The following DYNC2H1 variants were observed in gnomAD, a reference collection of about 807,000 sequenced individuals.
DYNC2H1 encodes dynein cytoplasmic 2 heavy chain 1.
A neutral mutation model predicts 570.0 loss-of-function variants in DYNC2H1; 410 were observed. That is an observed-to-expected ratio of 0.72 (90% CI 0.66 to 0.78). The LOEUF is 0.78. DYNC2H1 is among the 30% of genes least tolerant of loss of function. The pLI, the probability that DYNC2H1 is intolerant of heterozygous loss-of-function variation, is 0.00. For synonymous variants in DYNC2H1, 1,688 were observed against 1,677.6 expected (o/e 1.01, Z -0.15); for missense variants, 4,865 against 5,046.4 (o/e 0.96, Z 1.09).
chr11:103,410,831 T>G (rs11225778), intron 84 of DYNC2H1, among the ~76,000 whole-genome samples: 8,086 of 152,178 alleles, frequency 0.053, 266 homozygotes, highest in Non-Finnish European at 0.077. Context: ...CCACAGTGGC[T>G]GGCACGAAAT....
chr11:103,131,712 A>G (rs745546257), intron 13 of DYNC2H1, among the ~76,000 whole-genome samples: 7 of 151,956 alleles, frequency 4.6e-5, no homozygotes, highest in Non-Finnish European at 1.0e-4. Context: ...TATGAAATGC[A>G]TATTTGACAT....
intron 82 of DYNC2H1, among the ~76,000 whole-genome samples, chr11:103,331,656 GA>G (rs1426271295): frequency 6.6e-6 from 1 of 152,130 alleles, no homozygotes; most frequent in Non-Finnish European, 1.5e-5. Context: ...GAAAATGCAA[GA>G]AAAGGTACCA....
chr11:103,320,608 T>C (rs957016713), intron 80 of DYNC2H1, among the ~76,000 whole-genome samples: 8 of 152,346 alleles, frequency 5.3e-5, no homozygotes, highest in African/African-American at 1.9e-4. Flanking sequence ...AATTATGTTT[T>C]GGATAGGTTC....
intron 82 of DYNC2H1, among the ~76,000 whole-genome samples, chr11:103,354,326 G>C (rs887256482): frequency 4.0e-5 from 6 of 148,622 alleles, no homozygotes; most frequent in Non-Finnish European, 6.0e-5. Flanking sequence ...GTTTTTTTCT[G>C]TTTTGGAAAA....
intron 47 of DYNC2H1, among the ~76,000 whole-genome samples, chr11:103,193,637 G>A (rs1309369600): frequency 2.6e-5 from 4 of 151,620 alleles, no homozygotes; most frequent in African/African-American, 7.3e-5. Flanking sequence ...TCCGCCTCCC[G>A]GGTTTAACTG....
At chr11:103,322,756 A>C (rs1247579177) in intron 81 of DYNC2H1, among the ~76,000 whole-genome samples, 1 of 152,236 alleles carries the variant, frequency 6.6e-6, no homozygotes, top group Admixed American at 6.5e-5. Context: ...TTAAATTTAT[A>C]GGATGACTTA....
intron 75 of DYNC2H1, among the ~76,000 whole-genome samples, chr11:103,300,990 A>G (rs904555377): frequency 2.0e-5 from 3 of 151,924 alleles, no homozygotes; most frequent in Non-Finnish European, 4.4e-5. Context: ...CAGAAAATGC[A>G]TAGACATGAA....
intron 30 of DYNC2H1, among the ~76,000 whole-genome samples, chr11:103,165,482 T>C (rs181820417): frequency 2.6e-5 from 4 of 152,196 alleles, no homozygotes; most frequent in Admixed American, 2.6e-4. Flanking sequence ...TAGACTTCAG[T>C]ACTATACTAA....
intron 82 of DYNC2H1, among the ~76,000 whole-genome samples, chr11:103,340,640 A>G (rs1939397728): frequency 1.3e-5 from 2 of 152,236 alleles, no homozygotes; most frequent in Non-Finnish European, 2.9e-5. Context: ...AAGACTAAGT[A>G]GAATTTGTGT....
chr11:103,244,542 T>C lies in DYNC2H1; in HGVS notation c.9919-709T>C, dbSNP rs1864535731. On this transcript the variant is annotated intron_variant, in intron 64 of 88. Coordinates refer to ENST00000375735, the MANE Select transcript of DYNC2H1 (RefSeq NM_001377.3). This position sits in a 1 kb window ranked among gnomAD's most constrained non-coding sequence, Gnocchi z 4.3. ...AATAATCATTTATGGCTTGCATATA[T>C]GCAAATCATTTATGGTTTGCAATAT... 6.7e-6 allele frequency among the ~76,000 whole-genome samples: 1 copy of C among 149,340 alleles called. No individual in the cohort carries two copies. Among genetic ancestry groups the C allele is most frequent in the African/African-American group, 2.4e-5 (1 of 41,064 alleles).
intron 83 of DYNC2H1, among the ~76,000 whole-genome samples, chr11:103,380,305 C>A (rs980859915): frequency 3.5e-4 from 54 of 152,118 alleles, no homozygotes; most frequent in African/African-American, 1.3e-3. Context: ...ACGTAATAAC[C>A]ACTTCCCTCT....
intron 17 of DYNC2H1, 75 bp downstream of exon 17, chr11:103,136,023 C>T: frequency 8.2e-7 from 1 of 1,226,198 alleles, no homozygotes; most frequent in Non-Finnish European, 1.1e-6. Flanking sequence ...TAAATGTATA[C>T]ATTAATAGTT....
intron 85 of DYNC2H1, among the ~76,000 whole-genome samples, chr11:103,450,407 G>A (rs1944559090): frequency 6.6e-6 from 1 of 152,144 alleles, no homozygotes; most frequent in Non-Finnish European, 1.5e-5. Context: ...GTGCGCACAG[G>A]GTGTTTACAG....
intron 82 of DYNC2H1, among the ~76,000 whole-genome samples, chr11:103,337,006 C>T (rs11225723): frequency 0.22 from 32,999 of 152,124 alleles, 3,722 homozygotes; most frequent in Admixed American, 0.31. Context: ...ATGGCCATGA[C>T]GCCCACGCTG....
rs537440301 is a variant in DYNC2H1 at position 103,257,873 on chromosome 11, A to G, written c.10605+122A>G. 5.5e-5 allele frequency: 58 copies of G among 1,054,306 alleles called. 2 individuals carry two copies. The South Asian group carries it at 1.9e-3, about 34-fold the overall frequency. The allele number at this position is 1,054,306 out of a possible 1,614,324, so 65.3% of individuals were successfully genotyped here. On this transcript the variant is annotated intron_variant, in intron 69 of 88. Coordinates refer to ENST00000375735, the MANE Select transcript of DYNC2H1 (RefSeq NM_001377.3). Reference sequence around the variant, plus strand: ...TCATAGAATTATGTTCCAAAAGACCACATGTAACACTTTTAAGCTATATAA... The same window carrying G: ...TCATAGAATTATGTTCCAAAAGACCGCATGTAACACTTTTAAGCTATATAA...
intron 84 of DYNC2H1, among the ~76,000 whole-genome samples, chr11:103,414,656 C>G (rs1267420530): frequency 6.6e-6 from 1 of 152,112 alleles, no homozygotes; most frequent in African/African-American, 2.4e-5. Flanking sequence ...CCAGAAACTC[C>G]TTAAGCTAAT....
intron 82 of DYNC2H1, among the ~76,000 whole-genome samples, chr11:103,341,160 A>C (rs987197554): frequency 2.0e-5 from 3 of 152,196 alleles, no homozygotes; most frequent in Admixed American, 1.3e-4. Context: ...TGCTATCTGT[A>C]TACTTCACTT....
chr11:103,463,200 C>A (rs901006161), intron 87 of DYNC2H1, among the ~76,000 whole-genome samples: 1 of 151,998 alleles, frequency 6.6e-6, no homozygotes, highest in Admixed American at 6.6e-5. Flanking sequence ...AAATCACAAA[C>A]CTTAGCTGGC....
chr11:103,344,392 C>T (rs1939632466), intron 82 of DYNC2H1, among the ~76,000 whole-genome samples: 1 of 152,212 alleles, frequency 6.6e-6, no homozygotes, highest in Non-Finnish European at 1.5e-5. Context: ...ATTACAAAGA[C>T]TTATGAGATC....
Sources: gnomAD v4.1 joint callset for allele counts (sites outside exome capture counted in the v4.1 genomes callset) on GRCh38, gnomAD v4.1.1 for gene constraint, Gnocchi (gnomAD v3.1) non-coding constraint, MANE v1.5 for transcripts, NCBI Gene and HGNC (gene_info 2026-07-23, HGNC 2026-07-21) for gene names.